GLB1: variants seen among roughly 807,000 people sequenced by gnomAD.
GLB1 encodes galactosidase beta 1.
In GLB1, 56 loss-of-function variants were observed where a neutral mutation model predicts 74.0. The ratio of observed to expected loss-of-function variants is 0.76; its 90% CI spans 0.61 to 0.94. The LOEUF (loss-of-function observed/expected upper bound fraction) is 0.94, where lower values mean the gene tolerates loss of function less well. Ranked by LOEUF, GLB1 falls within the 40% of genes least tolerant of loss-of-function variation. The pLI is 0.00. For missense variants in GLB1, 787 were observed against 845.5 expected, an observed-to-expected ratio of 0.93 and a Z score of 0.86; for synonymous variants, 323 against 323.6, an observed-to-expected ratio of 1.00 and a Z score of 0.02.
intron 1 of GLB1, chr3:33,077,277 A>G (rs1205437818): frequency 6.4e-7 from 1 of 1,573,030 alleles, no homozygotes; most frequent in Admixed American, 1.7e-5. Flanking sequence ...GTGGCAGGGC[A>G]GGAGGGTTCT....
chr3:33,019,848 C>T (rs1697395133), intron 12 of GLB1, among the ~76,000 whole-genome samples: 1 of 152,074 alleles, frequency 6.6e-6, no homozygotes. Flanking sequence ...TAGGCTGAGC[C>T]CCACTCCCTG....
chr3:33,004,790 A>G (rs544881073), intron 15 of GLB1, among the ~76,000 whole-genome samples: 1 of 152,186 alleles, frequency 6.6e-6, no homozygotes, highest in Non-Finnish European at 1.5e-5. Context: ...TCTCCAGCAG[A>G]AGAGTAGCTT....
intron 5 of GLB1, among the ~76,000 whole-genome samples, chr3:33,063,444 AGG>A (rs1439602795): frequency 8.6e-5 from 13 of 151,256 alleles, no homozygotes; most frequent in African/African-American, 2.9e-4. Flanking sequence ...GAGGAGGAGG[AGG>A]GGGACAGAGT....
At chr3:33,078,997 T>A (rs1197495085) in intron 1 of GLB1, among the ~76,000 whole-genome samples, 1 of 152,022 alleles carries the variant, frequency 6.6e-6, no homozygotes, top group Non-Finnish European at 1.5e-5. Flanking sequence ...AGACTACTAC[T>A]CAGCAATAAA....
intron 1 of GLB1, among the ~76,000 whole-genome samples, chr3:33,087,535 A>T (rs1700556250): frequency 6.7e-6 from 1 of 149,734 alleles, no homozygotes; most frequent in Non-Finnish European, 1.5e-5. Flanking sequence ...ATGCCTCTGC[A>T]CTCCAGCCCC....
intron 10 of GLB1, among the ~76,000 whole-genome samples, chr3:33,026,862 T>C (rs1336414839): frequency 6.6e-6 from 1 of 152,210 alleles, no homozygotes; most frequent in Non-Finnish European, 1.5e-5. Context: ...CTATCCACTG[T>C]GGGCCTCCTC....
At chr3:32,992,143 G>A (rs1011589485), downstream of GLB1, among the ~76,000 whole-genome samples, 5 of 152,232 alleles carry the variant, frequency 3.3e-5, no homozygotes, top group Admixed American at 2.6e-4. Context: ...CTTTTCCGTA[G>A]GCTCACGCTG....
chr3:33,065,534 A>G lies in GLB1; in HGVS notation c.481T>C (p.Trp161Arg). Residue 161 changes from tryptophan to arginine, a missense_variant, in exon 5 of 16, where the codon TGG becomes CGG. Coordinates refer to ENST00000307363, the MANE Select transcript of GLB1 (RefSeq NM_000404.4). ...ATCTTGGGCAGAAGGACTCCCAACC[A>G]CTTGTCCACAGCTGCCAGGTAATCT... is the stretch of plus-strand genomic sequence containing the variant. ...DPDYLAAVDKWLGVLLPKMKP... is the reference protein window; with the variant it reads ...DPDYLAAVDKRLGVLLPKMKP... 6.3e-7 allele frequency: 1 copy of G among 1,581,274 alleles called. No individual in the cohort carries two copies. The highest frequency in any genetic ancestry group is 8.6e-7 in the Non-Finnish European group (1 of 1,160,058).
At chr3:33,072,218 T>C (rs1193513047) in intron 2 of GLB1, among the ~76,000 whole-genome samples, 1 of 152,184 alleles carries the variant, frequency 6.6e-6, no homozygotes, top group Non-Finnish European at 1.5e-5. Context: ...CAATAATACC[T>C]ATCTCGAGGA....
intron 10 of GLB1, among the ~76,000 whole-genome samples, chr3:33,026,017 G>A (rs1033382335): frequency 3.3e-5 from 5 of 152,270 alleles, no homozygotes; most frequent in South Asian, 4.1e-4. Context: ...GGGGAGCAGC[G>A]TGGTTGGGCA....
intron 1 of GLB1, among the ~76,000 whole-genome samples, chr3:33,084,918 A>G (rs985801490): frequency 1.1e-4 from 17 of 152,316 alleles, no homozygotes; most frequent in African/African-American, 3.1e-4. Context: ...GTTCTATTAT[A>G]TATGTAGTAG....
chr3:33,096,439 G>C, intron 1 of GLB1: 1 of 984,154 alleles, frequency 1.0e-6, no homozygotes, highest in African/African-American at 1.8e-5. Context: ...AAGGAAAACG[G>C]TCCCACAAAT....
intron 10 of GLB1, chr3:33,034,164 G>C: frequency 3.2e-6 from 2 of 630,800 alleles, no homozygotes; most frequent in Admixed American, 4.5e-5. Context: ...GACCCCTCAG[G>C]ATATGACTCC....
chr3:33,045,482 C>T, intron 10 of GLB1: 8 of 988,164 alleles, frequency 8.1e-6, no homozygotes, highest in Non-Finnish European at 9.6e-6. Flanking sequence ...GTATATTGGG[C>T]CACACATAAA....
the GLB1 span, among the ~76,000 whole-genome samples, chr3:32,983,091 G>A: frequency 6.6e-6 from 1 of 152,266 alleles, no homozygotes; most frequent in East Asian, 1.9e-4. Flanking sequence ...GTGAACTTCA[G>A]TTTAAATATT....
Position 33,024,317 on chromosome 3 carries a change from T to C in GLB1, c.1077A>G (p.Lys359=), listed in dbSNP as rs751886625. ...ALRNIIQKFE[K]VPEGPIPPST... ...ATGGAGGGATAGGACCTTCTGGTACTTTTTCAAACTATAAACCAGAGTAGA... is the reference window on the plus strand; with the variant it reads ...ATGGAGGGATAGGACCTTCTGGTACCTTTTCAAACTATAAACCAGAGTAGA... The change falls in exon 11 of 16, where the codon AAA becomes AAG. Residue 359 remains lysine, a synonymous_variant. Transcript: ENST00000307363. 7 of 1,601,734 alleles carry C rather than the reference T, an allele frequency of 4.4e-6. No individual in the cohort carries two copies. In the Admixed American group the frequency reaches 1.2e-4, roughly 27 times the overall value.
the GLB1 span, among the ~76,000 whole-genome samples, chr3:32,985,081 G>C: frequency 2.7e-5 from 4 of 148,220 alleles, no homozygotes; most frequent in African/African-American, 7.5e-5. Flanking sequence ...CTCCAGCCTG[G>C]GTGACGGAGT....
At chr3:33,028,384 A>G (rs1217745113) in intron 10 of GLB1, among the ~76,000 whole-genome samples, 2 of 152,062 alleles carry the variant, frequency 1.3e-5, no homozygotes, top group Non-Finnish European at 2.9e-5. Context: ...CTTCTCTCCT[A>G]GTTATCTTTG....
intron 1 of GLB1, among the ~76,000 whole-genome samples, chr3:33,089,631 T>C (rs1575495625): frequency 6.6e-6 from 1 of 152,072 alleles, no homozygotes; most frequent in South Asian, 2.1e-4. Flanking sequence ...GTCATTATAC[T>C]AACTGAAATA....
Sources: gnomAD v4.1 joint callset for allele counts (sites outside exome capture counted in the v4.1 genomes callset) on GRCh38, gnomAD v4.1.1 for gene constraint, MANE v1.5 for transcripts, NCBI Gene and HGNC (gene_info 2026-07-23, HGNC 2026-07-21) for gene names.